FRMD4A: variants seen among roughly 807,000 people sequenced by gnomAD.
FRMD4A encodes the protein FERM domain containing 4A.
A neutral mutation model predicts 129.1 loss-of-function variants in FRMD4A; 29 were observed. The observed-to-expected ratio is 0.22, with a 90% confidence interval of 0.17 to 0.31. The LOEUF is 0.31. Among genes scored for constraint, FRMD4A ranks in the 10% least tolerant of loss-of-function variants. The pLI, the probability that FRMD4A is intolerant of heterozygous loss-of-function variation, is 1.00. For missense variants in FRMD4A, 1,272 were observed against 1,375.8 expected, an observed-to-expected ratio of 0.92 and a Z score of 1.19; for synonymous variants, 634 against 571.6, an observed-to-expected ratio of 1.11 and a Z score of -1.56.
intron 17 of FRMD4A, among the ~76,000 whole-genome samples, chr10:13,668,839 C>T (rs1589282507): frequency 6.6e-6 from 1 of 152,124 alleles, no homozygotes; most frequent in Non-Finnish European, 1.5e-5. Flanking sequence ...AAATACCCGA[C>T]CTCAATCCCT....
intron 13 of FRMD4A, among the ~76,000 whole-genome samples, chr10:13,706,012 A>G (rs1279694171): frequency 6.6e-6 from 1 of 152,140 alleles, no homozygotes; most frequent in African/African-American, 2.4e-5. Flanking sequence ...TGGGCGGGGT[A>G]ACTCCAAATC....
chr10:13,776,410 C>T lies in FRMD4A; in HGVS notation c.384+6512G>A, dbSNP rs532419381. The stretch of plus-strand genomic sequence containing the variant: ...ATAGGTGTGAACCACTGTGCCTGGC[C>T]GTCTTCATCCATTTTTAACAGGAAT... On this transcript the variant is annotated intron_variant, in intron 6 of 24. Coordinates refer to ENST00000357447, the MANE Select transcript of FRMD4A (RefSeq NM_018027.5). 1.3e-4 allele frequency among the ~76,000 whole-genome samples: 20 copies of T among 152,244 alleles called. No homozygotes were observed. The East Asian group carries it at 2.9e-3, about 22-fold the overall frequency.
chr10:13,733,006 T>C (rs918997339), intron 12 of FRMD4A, among the ~76,000 whole-genome samples: 3 of 152,200 alleles, frequency 2.0e-5, no homozygotes, highest in Non-Finnish European at 2.9e-5. Context: ...CTGTGGCATC[T>C]AGATGTCCCA....
intron 15 of FRMD4A, chr10:13,693,203 A>T (rs747554703): frequency 2.4e-4 from 39 of 161,576 alleles, no homozygotes; most frequent in Non-Finnish European, 5.0e-4. Context: ...TTTCCAAACC[A>T]CGGCTGCCTC....
chr10:13,915,900 G>A (rs913486168), intron 2 of FRMD4A, among the ~76,000 whole-genome samples: 5 of 152,174 alleles, frequency 3.3e-5, no homozygotes, highest in Admixed American at 3.3e-4. Context: ...GGCTCTTGGA[G>A]TCAGGGACCA....
chr10:14,005,401 A>G (rs2095658819), intron 2 of FRMD4A, among the ~76,000 whole-genome samples: 2 of 152,162 alleles, frequency 1.3e-5, no homozygotes, highest in Admixed American at 1.3e-4. Flanking sequence ...CATGAACCAG[A>G]ACTAAGCCTG....
chr10:13,761,697 G>T, intron 7 of FRMD4A, 28 bp from the exon 8 acceptor site: 2 of 1,538,158 alleles, frequency 1.3e-6, no homozygotes, highest in African/African-American at 2.7e-5. Flanking sequence ...CAACATCAGC[G>T]AAATACACTA....
At chr10:13,647,065 C>CAGTT (rs75206552) in intron 24 of FRMD4A, 30 bp from the exon 25 acceptor site, 1 of 581,292 alleles carries the variant, frequency 1.7e-6, no homozygotes, top group Non-Finnish European at 2.2e-6. Flanking sequence ...GGAGATGAGA[C>CAGTT]AGTTAGTTAG....
At chr10:14,033,768 T>C (rs1380662764) in intron 2 of FRMD4A, among the ~76,000 whole-genome samples, 4 of 132,782 alleles carry the variant, frequency 3.0e-5, no homozygotes, top group Non-Finnish European at 1.6e-5. Flanking sequence ...CTGAGCAACA[T>C]AGCAAAACTC....
intron 2 of FRMD4A, among the ~76,000 whole-genome samples, chr10:14,171,293 G>C (rs1448437238): frequency 6.6e-6 from 1 of 152,122 alleles, no homozygotes; most frequent in South Asian, 2.1e-4. Context: ...ACCTGTGTCA[G>C]GGCCTGCCAG....
chr10:14,294,135 G>C (rs1232903754), intron 2 of FRMD4A, among the ~76,000 whole-genome samples: 2 of 152,206 alleles, frequency 1.3e-5, no homozygotes, highest in African/African-American at 4.8e-5. Flanking sequence ...GGATTCCTAA[G>C]TGCCACTAAT....
chr10:13,661,493 G>A (rs560624090), intron 19 of FRMD4A, among the ~76,000 whole-genome samples: 57 of 152,316 alleles, frequency 3.7e-4, no homozygotes, highest in African/African-American at 1.2e-3. Context: ...CAGCACAGCC[G>A]CCTTCTGTGT....
chr10:14,185,764 C>T (rs1842115791), intron 2 of FRMD4A, among the ~76,000 whole-genome samples: 1 of 152,090 alleles, frequency 6.6e-6, no homozygotes, highest in African/African-American at 2.4e-5. Flanking sequence ...CTAGTACCAG[C>T]CAAAGCAACA....
chr10:14,199,463 C>T (rs1489053533), intron 2 of FRMD4A, among the ~76,000 whole-genome samples: 1 of 151,966 alleles, frequency 6.6e-6, no homozygotes, highest in Non-Finnish European at 1.5e-5. Context: ...AATCTCAACT[C>T]ACTGCAATCT....
At chr10:13,899,335 AT>A (rs1201286826) in intron 2 of FRMD4A, among the ~76,000 whole-genome samples, 2 of 152,006 alleles carry the variant, frequency 1.3e-5, no homozygotes, top group African/African-American at 4.8e-5. Flanking sequence ...TAATTTAATC[AT>A]CATGGGATTC....
At chr10:13,696,260 T>C (rs1436376713) in intron 14 of FRMD4A, among the ~76,000 whole-genome samples, 1 of 152,236 alleles carries the variant, frequency 6.6e-6, no homozygotes, top group African/African-American at 2.4e-5. Flanking sequence ...GCCCATCTGG[T>C]TGAGTTTTAC....
At chr10:14,079,138 T>A (rs995170122) in intron 2 of FRMD4A, among the ~76,000 whole-genome samples, 5 of 152,178 alleles carry the variant, frequency 3.3e-5, no homozygotes, top group African/African-American at 1.2e-4. Flanking sequence ...GCATGTTAAA[T>A]CCTCACATCA....
chr10:13,972,412 T>G (rs905130469), intron 2 of FRMD4A: 1 of 668,886 alleles, frequency 1.5e-6, no homozygotes, highest in Non-Finnish European at 1.8e-6. Flanking sequence ...GGCATTTTCT[T>G]TGGAAGCGTC....
At chr10:14,247,621 C>T (rs1844290327) in intron 2 of FRMD4A, among the ~76,000 whole-genome samples, 1 of 152,254 alleles carries the variant, frequency 6.6e-6, no homozygotes, top group East Asian at 1.9e-4. Context: ...GCAGAGGAAG[C>T]TGATACCAAA....
Sources: gnomAD v4.1 joint callset for allele counts (sites outside exome capture counted in the v4.1 genomes callset) on GRCh38, gnomAD v4.1.1 for gene constraint, MANE v1.5 for transcripts, NCBI Gene and HGNC (gene_info 2026-07-23, HGNC 2026-07-21) for gene names.